Variants in ROBO1 observed in about 807,000 individuals in gnomAD.
The protein encoded by ROBO1 is roundabout homolog 1.
Under a neutral mutation model 195.9 loss-of-function variants are expected in ROBO1, and 149 were observed. The observed-to-expected ratio is 0.76, with a 90% CI of 0.67 to 0.87. The LOEUF (loss-of-function observed/expected upper bound fraction) is 0.87. Ranked by LOEUF, ROBO1 falls within the 40% of genes least tolerant of loss-of-function variation. The pLI, the probability that ROBO1 is intolerant of heterozygous loss-of-function variation, is 0.00. For synonymous variants in ROBO1, 816 were observed against 733.2 expected (o/e 1.11, Z -1.82); for missense variants, 1,933 against 2,068.3 (o/e 0.93, Z 1.27).
intron 2 of ROBO1, among the ~76,000 whole-genome samples, chr3:79,340,914 T>C (rs1422995367): frequency 6.6e-6 from 1 of 152,118 alleles, no homozygotes; most frequent in Non-Finnish European, 1.5e-5. Flanking sequence ...TTTTAGATAA[T>C]ATAAAAGAGT....
At chr3:78,909,037 A>G (rs2038089567) in intron 4 of ROBO1, among the ~76,000 whole-genome samples, 1 of 151,916 alleles carries the variant, frequency 6.6e-6, no homozygotes, top group Non-Finnish European at 1.5e-5. Context: ...AAAAGGATTT[A>G]AATTACAGGC....
chr3:79,489,347 T>C (rs1197539973), intron 2 of ROBO1, among the ~76,000 whole-genome samples: 1 of 152,068 alleles, frequency 6.6e-6, no homozygotes, highest in East Asian at 1.9e-4. Context: ...AAACAGTCAC[T>C]TAATGTTAAG....
intron 24 of ROBO1, among the ~76,000 whole-genome samples, chr3:78,632,236 A>G (rs1705228517): frequency 6.6e-6 from 1 of 152,204 alleles, no homozygotes; most frequent in African/African-American, 2.4e-5. Flanking sequence ...CAAGTCATGT[A>G]ATATATGAAT....
Position 78,668,194 on chromosome 3 carries a change from G to T in ROBO1, c.1739C>A (p.Ser580Ter). The change falls in exon 13 of 31, where the codon TCG becomes TAG. Residue 580 changes from serine to a stop codon, truncating the protein, a stop_gained. Transcript: ENST00000464233. LOFTEE classifies it high-confidence loss of function. ...TCCTGAATTCAAATTTGGTTGCCACGATAATGTGACTGTATTTCTGCTGAC... is the reference window on the plus strand; with the variant it reads ...TCCTGAATTCAAATTTGGTTGCCACTATAATGTGACTGTATTTCTGCTGAC... ...TDVSRNTVTL[S>*]WQPNLNSGAT... 6.2e-7 allele frequency: 1 copy of T among 1,613,524 alleles called. No homozygotes were observed. Among genetic ancestry groups the T allele is most frequent in the Non-Finnish European group, 8.5e-7 (1 of 1,179,504 alleles).
chr3:78,674,242 A>G (rs1426929646), intron 10 of ROBO1, among the ~76,000 whole-genome samples: 1 of 152,202 alleles, frequency 6.6e-6, no homozygotes, highest in Non-Finnish European at 1.5e-5. Flanking sequence ...GGTCACAGCT[A>G]CAGTCAACAC....
chr3:78,878,324 G>A (rs945833224), intron 4 of ROBO1, among the ~76,000 whole-genome samples: 1 of 152,104 alleles, frequency 6.6e-6, no homozygotes, highest in East Asian at 1.9e-4. Flanking sequence ...AGTGGCTCAC[G>A]CCTGTAATCC....
intron 2 of ROBO1, among the ~76,000 whole-genome samples, chr3:79,511,616 T>G (rs1940709086): frequency 6.6e-6 from 1 of 152,108 alleles, no homozygotes; most frequent in African/African-American, 2.4e-5. Context: ...AAAATTCAAC[T>G]GGCAAAGCTA....
intron 2 of ROBO1, among the ~76,000 whole-genome samples, chr3:79,329,646 A>G (rs2034351875): frequency 6.6e-6 from 1 of 152,162 alleles, no homozygotes; most frequent in Non-Finnish European, 1.5e-5. Context: ...AGATGCTGTT[A>G]TTATTTTTAG....
intron 1 of ROBO1, among the ~76,000 whole-genome samples, chr3:79,702,063 A>G (rs1380539972): frequency 4.4e-5 from 6 of 136,520 alleles, no homozygotes; most frequent in Admixed American, 2.8e-4. Context: ...ACTGAGTTAT[A>G]TTGCACACAA....
At chr3:79,696,367 T>C (rs1473328693) in intron 1 of ROBO1, among the ~76,000 whole-genome samples, 2 of 150,788 alleles carry the variant, frequency 1.3e-5, no homozygotes, top group Non-Finnish European at 3.0e-5. Context: ...ATATAACTAA[T>C]AAACCTTATT....
chr3:79,170,169 C>T (rs182189319), intron 2 of ROBO1, among the ~76,000 whole-genome samples: 20 of 152,086 alleles, frequency 1.3e-4, no homozygotes, highest in Admixed American at 6.5e-4. Flanking sequence ...GCCATTGTGC[C>T]AATCAAGAGT....
chr3:79,162,286 T>C (rs1223476917), intron 2 of ROBO1, among the ~76,000 whole-genome samples: 2 of 152,018 alleles, frequency 1.3e-5, no homozygotes, highest in Non-Finnish European at 2.9e-5. Context: ...TTAGAAGATA[T>C]AGCATCCAAA....
At chr3:79,113,142 T>C (rs2079920953) in intron 3 of ROBO1, among the ~76,000 whole-genome samples, 1 of 152,102 alleles carries the variant, frequency 6.6e-6, no homozygotes, top group Non-Finnish European at 1.5e-5. Context: ...CTGAGCTTCT[T>C]TAAAGAAAGC....
At chr3:79,699,448 T>G (rs1395187225) in intron 1 of ROBO1, among the ~76,000 whole-genome samples, 1 of 151,638 alleles carries the variant, frequency 6.6e-6, no homozygotes, top group Non-Finnish European at 1.5e-5. Context: ...ACATTCTAAA[T>G]CAAATTGATA....
intron 3 of ROBO1, among the ~76,000 whole-genome samples, chr3:78,991,844 G>A (rs2077245632): frequency 6.6e-6 from 1 of 151,956 alleles, no homozygotes; most frequent in Non-Finnish European, 1.5e-5. Context: ...ATTGACACCA[G>A]AGGAAATGGA....
At chr3:79,647,428 T>C (rs1387744766) in intron 1 of ROBO1, among the ~76,000 whole-genome samples, 1 of 152,000 alleles carries the variant, frequency 6.6e-6, no homozygotes, top group Non-Finnish European at 1.5e-5. Flanking sequence ...AACCAGAACA[T>C]TAACTACATG....
chr3:79,304,159 T>C (rs530941063), intron 2 of ROBO1, among the ~76,000 whole-genome samples: 4 of 152,286 alleles, frequency 2.6e-5, no homozygotes, highest in Non-Finnish European at 5.9e-5. Context: ...GAAGCTCAAA[T>C]AAGTAATCCA....
At chr3:79,002,205 G>T (rs907662623) in intron 3 of ROBO1, among the ~76,000 whole-genome samples, 19 of 152,198 alleles carry the variant, frequency 1.2e-4, no homozygotes, top group African/African-American at 4.6e-4. Context: ...TGCTGGCCTG[G>T]AATGAAATAG....
chr3:78,806,536 G>C (rs2084546099), intron 4 of ROBO1, among the ~76,000 whole-genome samples: 1 of 152,114 alleles, frequency 6.6e-6, no homozygotes, highest in South Asian at 2.1e-4. Context: ...TGGGCAGCAG[G>C]TTTCAAGAGA....
Sources: gnomAD v4.1 joint callset for allele counts (sites outside exome capture counted in the v4.1 genomes callset) on GRCh38, gnomAD v4.1.1 for gene constraint, MANE v1.5 for transcripts, NCBI Gene and HGNC (gene_info 2026-07-23, HGNC 2026-07-21) for gene names.